ITIH4: variants seen among roughly 807,000 people sequenced by gnomAD.
ITIH4 encodes the protein inter-alpha-trypsin inhibitor heavy chain 4, also known as inter-alpha-trypsin inhibitor heavy chain H4.
In ITIH4, 79 loss-of-function variants were observed where a neutral mutation model predicts 111.8. That is an observed-to-expected ratio of 0.71 (90% CI 0.59 to 0.85). ITIH4 has a LOEUF of 0.85. Among genes scored for constraint, ITIH4 ranks in the 40% least tolerant of loss-of-function variants. ITIH4 has a pLI of 0.00. For missense variants in ITIH4, 1,065 were observed against 1,195.8 expected (o/e 0.89, Z 1.61); for synonymous variants, 472 against 468.3 (o/e 1.01, Z -0.10).
At position 52,820,734 on chromosome 3, in the gene ITIH4, A is replaced by C; in HGVS notation, c.1731T>G (p.Asn577Lys). The change falls in exon 13 of 24, where the codon AAT becomes AAG. Residue 577 changes from asparagine to lysine, a missense_variant. By Grantham distance (94) the Asn-to-Lys change is moderately conservative. Transcript: ENST00000266041. ...DQQALRNQAL[N>K]LSLAYSFVTP... ...TGACAAAGCTGTAGGCAAGTGATAA[A>C]TTCAGCGCTTGGTTCCGGAGGGCCT... is the stretch of plus-strand genomic sequence containing the variant. 1 of 1,614,040 alleles carries C rather than the reference A, an allele frequency of 6.2e-7. No homozygotes were observed. The highest frequency in any genetic ancestry group is 8.5e-7 in the Non-Finnish European group (1 of 1,179,974).
intron 16 of ITIH4, 71 bp downstream of exon 16, chr3:52,819,683 C>T (rs1700342673): frequency 6.3e-7 from 1 of 1,586,878 alleles, no homozygotes; most frequent in Non-Finnish European, 8.6e-7. Context: ...GGGAGATGAA[C>T]AATAATGGAC....
Position 52,826,634 on chromosome 3 carries a change from G to A in ITIH4, c.537C>T (p.Phe179=), listed in dbSNP as rs751590274. Reference sequence around the variant, plus strand: ...CCAGAAAGCTGATGCCCTGGGGCTCGAAGATGTGAATGTCCATCTGGAGGC... The same window carrying A: ...CCAGAAAGCTGATGCCCTGGGGCTCAAAGATGTGAATGTCCATCTGGAGGC... ...VKHLQMDIHI[F]EPQGISFLET... The change falls in exon 5 of 24, where the codon TTC becomes TTT. Residue 179 remains phenylalanine, a synonymous_variant. Coordinates refer to ENST00000266041, the MANE Select transcript of ITIH4 (RefSeq NM_002218.5). 8 of 1,613,990 alleles carry A rather than the reference G, an allele frequency of 5.0e-6. No homozygotes were observed. Among genetic ancestry groups the A allele is most frequent in the East Asian group, 2.2e-5 (1 of 44,874 alleles).
chr3:52,830,276 C>T (rs1700547933), intron 1 of ITIH4: 2 of 506,406 alleles, frequency 3.9e-6, no homozygotes, highest in African/African-American at 1.9e-5. Flanking sequence ...AAATCATTCT[C>T]CTGAGGTCAC....
In ITIH4 at chr3:52,818,590, G is replaced by A. The variant is rs1193631762; in HGVS notation, c.2078-54C>T. The A allele has an allele frequency of 2.1e-5, 31 of 1,484,710 alleles. No individual in the cohort carries two copies. In the Admixed American group the frequency reaches 5.2e-4, roughly 25 times the overall value. 92.0% of individuals were successfully genotyped at this position (1,484,710 alleles called of 1,614,324 possible). A position where few individuals can be genotyped will look rare whatever the true frequency, so the allele number is the denominator to read the frequency against. On this transcript the variant is annotated intron_variant, in intron 17 of 23. Transcript: ENST00000266041. ...GGGAGCAGGAAGGCAGTCAGGAGGC[G>A]GGCAACCAGCAGCGCTGCCACCAAG...
chr3:52,817,056 C>G lies in ITIH4; in HGVS notation c.2299G>C (p.Val767Leu). 6.2e-7 allele frequency: 1 copy of G among 1,612,696 alleles called. No homozygotes were observed. The part of the protein sequence containing the change: ...VNLLSDPEQG[V>L]EVTGQYEREK... ...CTCTCATACTGGCCAGTCACCTCAA[C>G]CCCTGGGAGGACCAGACCAGAGAGG... is the stretch of plus-strand genomic sequence containing the variant. Residue 767 changes from valine to leucine, a missense_variant and splice_region_variant, in exon 21 of 24, where the codon GTT becomes CTT. By Grantham distance (32) the Val-to-Leu change is conservative. Coordinates refer to ENST00000266041, the MANE Select transcript of ITIH4 (RefSeq NM_002218.5).
chr3:52,814,489 G>C lies in ITIH4; in HGVS notation c.2472-126C>G, dbSNP rs1339920097. The C allele has an allele frequency of 6.6e-6, 5 of 752,434 alleles. No homozygotes were observed. In the East Asian group the frequency reaches 1.2e-4, roughly 19 times the overall value. 46.6% of individuals were successfully genotyped at this position (752,434 alleles called of 1,614,324 possible). A position where few individuals can be genotyped will look rare whatever the true frequency, so the allele number is the denominator to read the frequency against. On this transcript the variant is annotated intron_variant, in intron 21 of 23. Coordinates refer to ENST00000266041, the MANE Select transcript of ITIH4 (RefSeq NM_002218.5). ...GAAGTCACGGAGTGGCCTTGGGTGG[G>C]AAGGCCCTTAAATCTTCTGATTTCA...
rs67293153 is a variant in ITIH4, at chr3:52,812,970, ATTTTTT to A, written c.*445_*450del. On this transcript the variant is annotated 3_prime_UTR_variant, in exon 24 of 24. Transcript: ENST00000266041. ...AAAGAATTCCAACCCAGTTCACTCT[ATTTTTT>A]TTTTTTTTTTTTTTGTAGTCAAAAC... 6.8e-5 allele frequency: 9 copies of A among 132,856 alleles called. No individual in the cohort carries two copies. The highest frequency in any genetic ancestry group is 1.5e-4 in the African/African-American group (5 of 34,296). The allele number at this position is 132,856 out of a possible 1,614,324, so 8.2% of individuals were successfully genotyped here.
chr3:52,827,146 G>C lies in ITIH4; in HGVS notation c.303C>G (p.Ala101=). 6.2e-7 allele frequency: 1 copy of C among 1,614,148 alleles called. No individual in the cohort carries two copies. Among genetic ancestry groups the C allele is most frequent in the Non-Finnish European group, 8.5e-7 (1 of 1,180,032 alleles). ...CCACTGCTGCGCTGTACTGTGCCTG[G>C]GCTTCAGCCTTCTCCTTGATGATCC... ...YPGIIKEKAE[A]QAQYSAAVAK... The change falls in exon 3 of 24, where the codon GCC becomes GCG. Residue 101 remains alanine, a synonymous_variant. Coordinates refer to ENST00000266041, the MANE Select transcript of ITIH4 (RefSeq NM_002218.5).
intron 5 of ITIH4, 104 bp from the exon 6 acceptor site, chr3:52,826,118 GC>G: frequency 6.7e-7 from 1 of 1,489,900 alleles, no homozygotes; most frequent in South Asian, 1.3e-5. Context: ...CCAGGATGCA[GC>G]CTTGGGTCCG....
intron 22 of ITIH4, 45 bp downstream of exon 22, chr3:52,814,164 G>A (rs1208497462): frequency 4.4e-6 from 7 of 1,606,986 alleles, no homozygotes; most frequent in Non-Finnish European, 5.1e-6. Context: ...CCCAAGCACA[G>A]CTGGTTTCTG....
chr3:52,817,983 G>A (rs1700308584), intron 20 of ITIH4, 69 bp downstream of exon 20: 22 of 1,190,940 alleles, frequency 1.8e-5, no homozygotes, highest in Non-Finnish European at 2.5e-5. Flanking sequence ...CGCGCTGTGT[G>A]TGTCTCTGTA....
At position 52,820,455 on chromosome 3, in the gene ITIH4, T is replaced by A. The variant is rs1052729; in HGVS notation, c.1835-138A>T. On this transcript the variant is annotated intron_variant, in intron 13 of 23. Coordinates refer to ENST00000266041, the MANE Select transcript of ITIH4 (RefSeq NM_002218.5). ...TGGACTATATCGTAGGTGCAATGAA[T>A]TTGGGGAGACAGGAGACCCGGCTTC... The A allele has an allele frequency of 0.035, 41,372 of 1,177,446 alleles. 6,052 individuals are homozygous for A. The African/African-American group carries it at 0.36, about 10-fold the overall frequency. 72.9% of individuals were successfully genotyped at this position (1,177,446 alleles called of 1,614,324 possible).
chr3:52,829,230 C>T lies in ITIH4; in HGVS notation c.140G>A (p.Arg47Gln), dbSNP rs1431638210. The T allele has an allele frequency of 1.2e-5, 20 of 1,613,348 alleles. No individual in the cohort carries two copies. The highest frequency in any genetic ancestry group is 5.3e-5 in the African/African-American group (4 of 74,892). ...SLTVDSRVSS[R>Q]FAHTVVTSRV... is the part of the protein sequence containing the mutation. ...GCTGGTGACGACCGTGTGGGCAAATCGGGATGAGACCCTGGAGTCCACGGT... is the reference window on the plus strand; with the variant it reads ...GCTGGTGACGACCGTGTGGGCAAATTGGGATGAGACCCTGGAGTCCACGGT... The change falls in exon 2 of 24, where the codon CGA becomes CAA. Residue 47 changes from arginine (R) to glutamine (Q), a missense_variant. Physicochemically the swap from Arg to Gln is conservative, Grantham distance 43. Transcript: ENST00000266041.
chr3:52,824,576 A>G lies in ITIH4; in HGVS notation c.877-11T>C. 1 of 1,605,352 alleles carries G rather than the reference A, an allele frequency of 6.2e-7. No homozygotes were observed. The highest frequency in any genetic ancestry group is 8.5e-7 in the Non-Finnish European group (1 of 1,176,658). On this transcript the variant is annotated splice_polypyrimidine_tract_variant and intron_variant, in intron 7 of 23. Transcript: ENST00000266041. This position sits in a 1 kb window ranked among gnomAD's most constrained non-coding sequence, Gnocchi z 4.3. ...TAGGGCTTCCCGGGTCTGGTCAGGG[A>G]GAGGAAACATAGGTGCTTCAGAAGG...
chr3:52,815,018 T>G (rs1246334846), intron 21 of ITIH4, among the ~76,000 whole-genome samples: 1 of 152,236 alleles, frequency 6.6e-6, no homozygotes, highest in Non-Finnish European at 1.5e-5. Flanking sequence ...AATCATGTGT[T>G]TAATGTCTAA....
At chr3:52,818,394 G>A (rs41292864) in intron 18 of ITIH4, 68 bp downstream of exon 18, 161,866 of 1,571,886 alleles carry the variant, frequency 0.1, 9,441 homozygotes, top group Middle Eastern at 0.14. Flanking sequence ...TCAACATCGA[G>A]ACATGTGACA....
chr3:52,827,195 A>T lies in ITIH4; in HGVS notation c.254T>A (p.Ile85Asn), dbSNP rs13072536. Residue 85 changes from isoleucine to asparagine, a missense_variant and splice_region_variant, in exon 3 of 24, where the codon ATC (isoleucine) becomes AAC (asparagine). Transcript: ENST00000266041. ...KKAFITNFSM[I>N]IDGMTYPGII... ...CCCTGGGTAGGTCATGCCATCGATG[A>T]TCCTGGGGGCAGAAGGGTGGGAGTT... 0.23 allele frequency: 377,864 copies of T among 1,610,286 alleles called. 47,432 individuals are homozygous for T. The highest frequency in any genetic ancestry group is 0.44 in the Admixed American group (26,208 of 60,018).
chr3:52,819,577 A>G, intron 16 of ITIH4, 59 bp from the exon 17 acceptor site: 1 of 1,610,064 alleles, frequency 6.2e-7, no homozygotes, highest in Non-Finnish European at 8.5e-7. Flanking sequence ...CTTCACAGCC[A>G]GGGCTTGAGA....
chr3:52,818,376 T>C (rs1700316006), intron 18 of ITIH4, 86 bp downstream of exon 18: 2 of 1,572,700 alleles, frequency 1.3e-6, no homozygotes, highest in Admixed American at 1.8e-5. Context: ...CTGGGTTCCC[T>C]CACTACTTCA....
Sources: allele counts gnomAD v4.1 joint callset (sites outside exome capture counted in the v4.1 genomes callset), GRCh38; gene constraint gnomAD v4.1.1; non-coding constraint Gnocchi (gnomAD v3.1); transcripts MANE v1.5; gene names NCBI Gene and HGNC (gene_info 2026-07-23, HGNC 2026-07-21).